DPP6: variants seen among roughly 807,000 people sequenced by gnomAD.
DPP6 encodes the protein dipeptidyl peptidase like 6.
DPP6 carries 69 observed loss-of-function variants against 122.6 expected under a neutral mutation model. The observed-to-expected ratio is 0.56, with a 90% CI of 0.46 to 0.69. The LOEUF is 0.69. Ranked by LOEUF, DPP6 falls within the 30% of genes least tolerant of loss-of-function variation. The probability of loss-of-function intolerance (pLI) is 0.00; values close to 1 mark genes in which losing one functional copy is unlikely to be tolerated. For synonymous variants in DPP6, 418 were observed against 433.1 expected (o/e 0.97, Z 0.43); for missense variants, 928 against 1,116.9 (o/e 0.83, Z 2.41).
chr7:153,760,339 G>A, the DPP6 span, among the ~76,000 whole-genome samples: 11 of 152,162 alleles, frequency 7.2e-5, no homozygotes, highest in East Asian at 1.9e-3. Context: ...TAATGTCCAC[G>A]TCCACTAATG....
At chr7:154,693,549 C>T (rs1309424023) in intron 7 of DPP6, among the ~76,000 whole-genome samples, 4 of 152,148 alleles carry the variant, frequency 2.6e-5, no homozygotes, top group African/African-American at 4.8e-5. Context: ...CCTCATTCAG[C>T]CGAGCCAGCC....
intron 1 of DPP6, among the ~76,000 whole-genome samples, chr7:154,043,381 G>C (rs1487726219): frequency 2.2e-5 from 1 of 45,318 alleles, no homozygotes; most frequent in African/African-American, 7.9e-5. Context: ...TAAAAAGAAT[G>C]AAACTCCATC....
chr7:154,853,804 T>C lies in DPP6; in HGVS notation c.1691T>C (p.Val564Ala). The C allele has an allele frequency of 6.2e-7, 1 of 1,613,986 alleles. No individual in the cohort carries two copies. ...CEGPGVPMVT[V>A]HNTTDKKKMF... ...GGTCCTGGTGTTCCTATGGTGACGGTGCACAACACAACAGATAAGAAAAGT... is the reference window on the plus strand; with the variant it reads ...GGTCCTGGTGTTCCTATGGTGACGGCGCACAACACAACAGATAAGAAAAGT... Residue 564 changes from valine (V) to alanine (A), a missense_variant, in exon 17 of 26, where the codon GTG becomes GCG. Transcript: ENST00000377770.
At chr7:153,982,976 C>T (rs1338346153) in intron 1 of DPP6, among the ~76,000 whole-genome samples, 3 of 152,200 alleles carry the variant, frequency 2.0e-5, no homozygotes, top group Non-Finnish European at 4.4e-5. Flanking sequence ...TATGAGGTGT[C>T]TATCGACCTC....
At chr7:154,879,708 C>T (rs985618442) in intron 20 of DPP6, among the ~76,000 whole-genome samples, 9 of 151,860 alleles carry the variant, frequency 5.9e-5, no homozygotes, top group Admixed American at 3.3e-4. Context: ...GCCACGATCA[C>T]GCCACTGCAC....
the DPP6 span, among the ~76,000 whole-genome samples, chr7:153,870,520 C>A: frequency 1.3e-5 from 2 of 152,206 alleles, no homozygotes; most frequent in Non-Finnish European, 2.9e-5. Context: ...TTAAGGACTT[C>A]TCTGCATTAG....
intron 8 of DPP6, among the ~76,000 whole-genome samples, chr7:154,734,452 T>A (rs1284298457): frequency 6.6e-6 from 1 of 152,206 alleles, no homozygotes; most frequent in Non-Finnish European, 1.5e-5. Flanking sequence ...TAGATCAAAG[T>A]GGATTTTTAC....
intron 1 of DPP6, chr7:153,968,553 A>ATTTT (rs1047688878): frequency 2.0e-5 from 3 of 151,646 alleles, no homozygotes; most frequent in African/African-American, 7.3e-5. Context: ...AGTTTAGAAT[A>ATTTT]TTTTTATCAC....
In DPP6 at chr7:154,893,388, C is replaced by A. The variant is rs138484524; in HGVS notation, c.*908C>A. 6.7e-6 allele frequency: 1 copy of A among 150,244 alleles called. No homozygotes were observed. The highest frequency in any genetic ancestry group is 1.4e-5 in the Non-Finnish European group (1 of 68,980). 9.3% of individuals were successfully genotyped at this position (150,244 alleles called of 1,614,324 possible). A position where few individuals can be genotyped will look rare whatever the true frequency, so the allele number is the denominator to read the frequency against. On this transcript the variant is annotated 3_prime_UTR_variant, in exon 26 of 26. Transcript: ENST00000377770. ...TAGGTGTGCACTGTCTATTTACATC[C>A]GTCCTTACAACCATCCTTGTCCTCC...
intron 4 of DPP6, among the ~76,000 whole-genome samples, chr7:154,545,877 C>A (rs1452491881): frequency 6.6e-6 from 1 of 152,114 alleles, no homozygotes; most frequent in African/African-American, 2.4e-5. Flanking sequence ...TGTATAGGCC[C>A]TTTTTATTGA....
chr7:154,396,902 G>A (rs931094912), intron 1 of DPP6, among the ~76,000 whole-genome samples: 11 of 152,132 alleles, frequency 7.2e-5, no homozygotes, highest in South Asian at 4.1e-4. Flanking sequence ...CTGGGATCGC[G>A]CCACTGCGCT....
intron 1 of DPP6, among the ~76,000 whole-genome samples, chr7:154,352,469 A>G (rs1810946279): frequency 6.6e-6 from 1 of 152,130 alleles, no homozygotes; most frequent in African/African-American, 2.4e-5. Flanking sequence ...TCTCAAAAAA[A>G]ATAAAAATTA....
At chr7:154,735,526 T>A (rs1842532830) in intron 8 of DPP6, among the ~76,000 whole-genome samples, 1 of 152,016 alleles carries the variant, frequency 6.6e-6, no homozygotes, top group South Asian at 2.1e-4. Flanking sequence ...TGAGCAGGAG[T>A]CTGAATGCTT....
intron 1 of DPP6, among the ~76,000 whole-genome samples, chr7:153,989,189 G>C (rs1797011766): frequency 1.4e-5 from 2 of 143,352 alleles, no homozygotes; most frequent in Non-Finnish European, 3.0e-5. Flanking sequence ...GGGTGTGAGT[G>C]TGAGTGGGTG....
At chr7:154,332,609 G>A (rs916164095) in intron 1 of DPP6, among the ~76,000 whole-genome samples, 6 of 152,192 alleles carry the variant, frequency 3.9e-5, no homozygotes, top group East Asian at 1.9e-4. Flanking sequence ...TTGCCAAAGC[G>A]TTTAGATAGG....
chr7:154,054,618 C>A (rs1322542923), intron 1 of DPP6, among the ~76,000 whole-genome samples: 3 of 151,920 alleles, frequency 2.0e-5, no homozygotes, highest in Non-Finnish European at 2.9e-5. Context: ...GGGCCAAGCC[C>A]TGAGGGAAAT....
At chr7:154,685,414 G>T (rs2131188361) in intron 7 of DPP6, among the ~76,000 whole-genome samples, 1 of 152,338 alleles carries the variant, frequency 6.6e-6, no homozygotes, top group East Asian at 1.9e-4. Context: ...TGCATGCCCA[G>T]AGGCTCTGGT....
intron 13 of DPP6, 77 bp downstream of exon 13, chr7:154,801,539 G>A (rs548557368): frequency 4.1e-6 from 6 of 1,467,704 alleles, no homozygotes; most frequent in Non-Finnish European, 5.4e-6. Flanking sequence ...TCTAGGGCTG[G>A]GCACACTTGC....
At chr7:154,861,702 T>C (rs1233557869) in intron 17 of DPP6, among the ~76,000 whole-genome samples, 4 of 152,244 alleles carry the variant, frequency 2.6e-5, no homozygotes, top group African/African-American at 4.8e-5. Flanking sequence ...TAAAAAGTTA[T>C]GATTGCTCTG....
Sources: allele counts gnomAD v4.1 joint callset (sites outside exome capture counted in the v4.1 genomes callset), GRCh38; gene constraint gnomAD v4.1.1; transcripts MANE v1.5; gene names NCBI Gene and HGNC (gene_info 2026-07-23, HGNC 2026-07-21).